The following RAB43 variants were observed in gnomAD, a reference collection of about 807,000 sequenced individuals.
The protein encoded by RAB43 is ras-related protein Rab-43.
RAB43 carries 6 observed loss-of-function variants against 18.8 expected under a neutral mutation model. The ratio of observed to expected loss-of-function variants is 0.32; its 90% CI spans 0.17 to 0.63. RAB43 has a LOEUF of 0.63. RAB43 is among the 30% of genes least tolerant of loss of function. RAB43 has a pLI of 0.79. For synonymous variants in RAB43, 103 were observed against 124.1 expected (o/e 0.83, Z 1.13); for missense variants, 195 against 289.1 (o/e 0.67, Z 2.36).
chr3:129,096,321 C>G (rs1187351839), intron 1 of RAB43, among the ~76,000 whole-genome samples: 2 of 152,354 alleles, frequency 1.3e-5, no homozygotes, highest in East Asian at 1.9e-4. Context: ...AGTGAAAGCT[C>G]TGGGCCACAA....
At chr3:129,114,610 C>T (rs987510413) in intron 1 of RAB43, among the ~76,000 whole-genome samples, 5 of 152,286 alleles carry the variant, frequency 3.3e-5, no homozygotes, top group East Asian at 1.9e-4. Flanking sequence ...CCAGGAAAAC[C>T]GCCTAGCATG....
intron 1 of RAB43, among the ~76,000 whole-genome samples, chr3:129,096,616 G>A (rs563377082): frequency 5.9e-5 from 9 of 152,208 alleles, no homozygotes; most frequent in East Asian, 1.9e-4. Context: ...TCAAACAATC[G>A]TCAATGTTTC....
chr3:129,116,846 A>G (rs1212097179), intron 1 of RAB43, among the ~76,000 whole-genome samples: 1 of 151,966 alleles, frequency 6.6e-6, no homozygotes, highest in Non-Finnish European at 1.5e-5. Context: ...ACGAGTTTAC[A>G]TAACAGGCCT....
rs1379298047 is a variant in RAB43 at position 129,121,520 on chromosome 3, T to C, written c.-31A>G. ...AGAAGAAGCCGAAGGGCCGGCGCTC[T>C]GGACGCTGGGACCGGCCTGAGCTCA... On this transcript the variant is annotated 5_prime_UTR_variant, in exon 1 of 3. Transcript: ENST00000315150. The C allele has an allele frequency of 1.9e-6, 3 of 1,560,466 alleles. No homozygotes were observed. Among genetic ancestry groups the C allele is most frequent in the Non-Finnish European group, 2.6e-6 (3 of 1,151,310 alleles).
chr3:129,102,413 G>A (rs769656275), intron 1 of RAB43, among the ~76,000 whole-genome samples: 4 of 152,132 alleles, frequency 2.6e-5, no homozygotes, highest in Middle Eastern at 3.4e-3. Flanking sequence ...GGCAGATCAC[G>A]AGGTCAGGAG....
intron 2 of RAB43, among the ~76,000 whole-genome samples, chr3:129,093,505 G>A (rs1445099633): frequency 1.3e-5 from 2 of 152,202 alleles, no homozygotes; most frequent in African/African-American, 2.4e-5. Flanking sequence ...AGCTACTCAG[G>A]AGGCTGAGGC....
chr3:129,117,497 A>G (rs1216671396), intron 1 of RAB43, among the ~76,000 whole-genome samples: 2 of 152,232 alleles, frequency 1.3e-5, no homozygotes, highest in Non-Finnish European at 2.9e-5. Context: ...TGCATCCACA[A>G]GAACACTGGA....
intron 1 of RAB43, among the ~76,000 whole-genome samples, chr3:129,116,035 C>T (rs1049261218): frequency 6.6e-6 from 1 of 152,074 alleles, no homozygotes; most frequent in Non-Finnish European, 1.5e-5. Context: ...GCAGGAATAG[C>T]GATGCTGGCA....
At chr3:129,110,747 G>A (rs1310979286) in intron 1 of RAB43, among the ~76,000 whole-genome samples, 1 of 152,034 alleles carries the variant, frequency 6.6e-6, no homozygotes, top group African/African-American at 2.4e-5. Flanking sequence ...CTTTTGCGGT[G>A]ATGAAAATAT....
intron 1 of RAB43, among the ~76,000 whole-genome samples, chr3:129,104,317 A>G (rs972391412): frequency 4.6e-5 from 7 of 152,092 alleles, no homozygotes; most frequent in African/African-American, 1.7e-4. Context: ...CTGACCAGCC[A>G]CTAACCTGAC....
In RAB43 at chr3:129,121,509, G is replaced by C; in HGVS notation, c.-20C>G. On this transcript the variant is annotated 5_prime_UTR_variant, in exon 1 of 3. Transcript: ENST00000315150. Reference sequence around the variant, plus strand: ...TGCCATGGCCTAGAAGAAGCCGAAGGGCCGGCGCTCTGGACGCTGGGACCG... The same window carrying C: ...TGCCATGGCCTAGAAGAAGCCGAAGCGCCGGCGCTCTGGACGCTGGGACCG... 2 of 1,585,928 alleles carry C rather than the reference G, an allele frequency of 1.3e-6. No homozygotes were observed. Among genetic ancestry groups the C allele is most frequent in the Non-Finnish European group, 1.7e-6 (2 of 1,166,538 alleles).
At chr3:129,105,858 C>T (rs1421813172) in intron 1 of RAB43, among the ~76,000 whole-genome samples, 1 of 152,082 alleles carries the variant, frequency 6.6e-6, no homozygotes, top group Non-Finnish European at 1.5e-5. Flanking sequence ...CGGGCTACCA[C>T]TTGGCTCCTG....
Position 129,087,834 on chromosome 3 carries a change from G to A in RAB43, c.*3262C>T, listed in dbSNP as rs1483101135. ...CCAACTCCGGCAGCCTCTTAGGGAA[G>A]AGAAACTGAATTAAATGTGTATTAG... On this transcript the variant is annotated 3_prime_UTR_variant, in exon 3 of 3. Coordinates refer to ENST00000315150, the MANE Select transcript of RAB43 (RefSeq NM_198490.3). The A allele has an allele frequency of 6.7e-6, 1 of 148,288 alleles. No individual in the cohort carries two copies. Among genetic ancestry groups the A allele is most frequent in the Non-Finnish European group, 1.5e-5 (1 of 67,154 alleles). 9.2% of individuals were successfully genotyped at this position (148,288 alleles called of 1,614,324 possible).
At chr3:129,105,765 A>T (rs1934741762) in intron 1 of RAB43, among the ~76,000 whole-genome samples, 1 of 150,722 alleles carries the variant, frequency 6.6e-6, no homozygotes, top group Non-Finnish European at 1.5e-5. Flanking sequence ...GGGCAACAAG[A>T]GTGAAACTCC....
intron 1 of RAB43, among the ~76,000 whole-genome samples, chr3:129,108,189 G>A (rs913261208): frequency 2.0e-5 from 3 of 152,072 alleles, no homozygotes; most frequent in Non-Finnish European, 2.9e-5. Context: ...TCCCCTTCAC[G>A]CCTCTGTGGC....
intron 1 of RAB43, among the ~76,000 whole-genome samples, chr3:129,109,642 G>A (rs1165912026): frequency 1.6e-4 from 24 of 150,696 alleles, no homozygotes; most frequent in Admixed American, 1.6e-3. Context: ...TTGGGAGGCT[G>A]AGGCAAGGAA....
In RAB43 at chr3:129,093,604, G is replaced by A. The variant is rs147342326; in HGVS notation, c.388+1382C>T. The stretch of plus-strand genomic sequence containing the variant: ...CAGCCTGGCGACAGAGCGAGACTCC[G>A]TCCCCCACCCCCAGCAAGAAAAGGT... On this transcript the variant is annotated intron_variant, in intron 2 of 2. Transcript: ENST00000315150. Among the ~76,000 whole-genome samples the A allele has an allele frequency of 9.8e-4, 148 of 151,708 alleles. 1 individual carries two copies. Among genetic ancestry groups the A allele is most frequent in the African/African-American group, 3.4e-3 (139 of 41,360 alleles).
chr3:129,094,457 T>C (rs1933884029), intron 2 of RAB43, among the ~76,000 whole-genome samples: 1 of 150,634 alleles, frequency 6.6e-6, no homozygotes, highest in Admixed American at 6.6e-5. Context: ...AGAGCAAACT[T>C]CAGCTCTCTT....
chr3:129,108,644 A>G (rs1385674427), intron 1 of RAB43, among the ~76,000 whole-genome samples: 2 of 152,244 alleles, frequency 1.3e-5, no homozygotes, highest in Non-Finnish European at 2.9e-5. Context: ...GCCAACAACC[A>G]TAACTAAGCT....
Sources: allele counts gnomAD v4.1 joint callset (sites outside exome capture counted in the v4.1 genomes callset), GRCh38; gene constraint gnomAD v4.1.1; transcripts MANE v1.5; gene names NCBI Gene and HGNC (gene_info 2026-07-23, HGNC 2026-07-21).